Variants in FAM193A observed in about 807,000 individuals in gnomAD.
FAM193A encodes the protein family with sequence similarity 193 member A, also known as protein FAM193A.
FAM193A carries 22 observed loss-of-function variants against 126.5 expected under a neutral mutation model. That is an observed-to-expected ratio of 0.17 (90% confidence interval 0.12 to 0.25). The LOEUF is 0.25. Among genes scored for constraint, FAM193A ranks in the 10% least tolerant of loss-of-function variants. FAM193A has a pLI of 1.00. For missense variants in FAM193A, 1,675 were observed against 1,672.8 expected, an observed-to-expected ratio of 1.00 and a Z score of -0.02; for synonymous variants, 761 against 646.8, an observed-to-expected ratio of 1.18 and a Z score of -2.68.
rs533737656 is a variant in FAM193A, at chr4:2,613,963, C to T, written c.502-11299C>T. Among the ~76,000 whole-genome samples the T allele has an allele frequency of 1.1e-3, 159 of 151,100 alleles. 3 individuals carry two copies. In the South Asian group the frequency reaches 0.03, roughly 29 times the overall value. ...CTAATTTTTGTATTTTTAGTAGAGACGGGGTTTCACCATGTTGACCAGGCT... is the reference window on the plus strand; with the variant it reads ...CTAATTTTTGTATTTTTAGTAGAGATGGGGTTTCACCATGTTGACCAGGCT... On this transcript the variant is annotated intron_variant, in intron 2 of 20. Transcript: ENST00000637812.
chr4:2,548,313 C>G (rs772476302), intron 1 of FAM193A, among the ~76,000 whole-genome samples: 5 of 150,016 alleles, frequency 3.3e-5, no homozygotes, highest in Non-Finnish European at 5.9e-5. Flanking sequence ...TCAGATTATC[C>G]GCCCGCCTCG....
rs964874774 is a variant in FAM193A, at chr4:2,672,181, A to C, written c.2140A>C (p.Thr714Pro). The C allele has an allele frequency of 6.2e-7, 1 of 1,614,156 alleles. No homozygotes were observed. ...TTGTAAGCAGGAAGCTTCTGGACTG[A>C]CACCATCTGCAATGACAGCCGGAGC... ...HVCKQEASGLTPSAMTAGALP... is the reference protein window; with the variant it reads ...HVCKQEASGLPPSAMTAGALP... The change falls in exon 13 of 21, where the codon ACA becomes CCA. Residue 714 changes from threonine to proline, a missense_variant. Thr to Pro is a conservative substitution (Grantham distance 38). Around this residue, in one of 4 missense-constraint regions of FAM193A, gnomAD observed 1,186 missense variants for 1,109.2 expected, o/e 1.07. Transcript: ENST00000637812.
intron 19 of FAM193A, among the ~76,000 whole-genome samples, chr4:2,712,838 C>T (rs1719127753): frequency 6.6e-6 from 1 of 151,874 alleles, no homozygotes; most frequent in South Asian, 2.1e-4. Flanking sequence ...CGTGGTGGCT[C>T]ATGCCTGTAA....
At chr4:2,590,991 C>T (rs1740538759) in intron 1 of FAM193A, among the ~76,000 whole-genome samples, 1 of 151,362 alleles carries the variant, frequency 6.6e-6, no homozygotes, top group South Asian at 2.1e-4. Flanking sequence ...CGTGCCACTA[C>T]ACCCCAGCCT....
intron 13 of FAM193A, among the ~76,000 whole-genome samples, chr4:2,682,131 C>T (rs1231024424): frequency 1.3e-5 from 2 of 151,804 alleles, no homozygotes; most frequent in Non-Finnish European, 2.9e-5. Context: ...ACTACAGGTG[C>T]CCACCACCAT....
At position 2,609,679 on chromosome 4, in the gene FAM193A, C is replaced by T. The variant is rs951019047; in HGVS notation, c.501+13350C>T. On this transcript the variant is annotated intron_variant, in intron 2 of 20. Coordinates refer to ENST00000637812, the MANE Select transcript of FAM193A (RefSeq NM_001366318.2). ...CCTAGGCCGATCACGCCTGTAATCC[C>T]GGCACTTTGGGAGGCCGAGGCGGGT... Among the ~76,000 whole-genome samples, 5 of 152,128 alleles carry T rather than the reference C, an allele frequency of 3.3e-5. No individual in the cohort carries two copies. In the East Asian group the frequency reaches 5.8e-4, roughly 18 times the overall value.
At chr4:2,594,680 G>A (rs186807683) in intron 1 of FAM193A, among the ~76,000 whole-genome samples, 244 of 152,238 alleles carry the variant, frequency 1.6e-3, no homozygotes, top group Middle Eastern at 3.4e-3. Flanking sequence ...AGCCCTGTGT[G>A]AAGGACCCGT....
chr4:2,568,973 C>CTTTTTTTTTTTTTTTTTTTTTTTTTTCTT (rs753557878), intron 1 of FAM193A, among the ~76,000 whole-genome samples: 1 of 90,720 alleles, frequency 1.1e-5, no homozygotes, highest in African/African-American at 4.6e-5. Flanking sequence ...TGTTGTTTTG[C>CTTTTTTTTTTTTTTTTTTTTTTTTTTCTT]TTTTTTTTTT....
chr4:2,677,349 C>A (rs1714526027), intron 13 of FAM193A, among the ~76,000 whole-genome samples: 1 of 152,106 alleles, frequency 6.6e-6, no homozygotes, highest in South Asian at 2.1e-4. Flanking sequence ...TATATCTTTG[C>A]AGTAAGTTTT....
intron 1 of FAM193A, among the ~76,000 whole-genome samples, chr4:2,560,440 G>T (rs951532022): frequency 6.6e-6 from 1 of 152,170 alleles, no homozygotes; most frequent in Non-Finnish European, 1.5e-5. Context: ...TCTAAACTGC[G>T]CTGTGGCCTG....
chr4:2,723,516 G>A (rs974539796), intron 20 of FAM193A, among the ~76,000 whole-genome samples: 1 of 151,504 alleles, frequency 6.6e-6, no homozygotes, highest in African/African-American at 2.4e-5. Flanking sequence ...GGAGGTTGCA[G>A]TGAGTTGAGA....
chr4:2,650,677 C>A (rs963601915), intron 7 of FAM193A, among the ~76,000 whole-genome samples: 1 of 152,150 alleles, frequency 6.6e-6, no homozygotes, highest in South Asian at 2.1e-4. Flanking sequence ...GACATAGTGC[C>A]ACCTGCTAAG....
intron 1 of FAM193A, among the ~76,000 whole-genome samples, chr4:2,564,514 A>T (rs543152397): frequency 6.6e-6 from 1 of 152,320 alleles, no homozygotes; most frequent in South Asian, 2.1e-4. Flanking sequence ...TGCCACAAGT[A>T]TCTAATATTG....
intron 2 of FAM193A, among the ~76,000 whole-genome samples, chr4:2,611,829 A>G (rs1226859563): frequency 6.7e-6 from 1 of 149,778 alleles, no homozygotes; most frequent in Non-Finnish European, 1.5e-5. Context: ...TTATATTTTG[A>G]TCAAATCCAT....
At chr4:2,679,159 C>G (rs1462557848) in intron 13 of FAM193A, among the ~76,000 whole-genome samples, 2 of 151,992 alleles carry the variant, frequency 1.3e-5, no homozygotes, top group Non-Finnish European at 2.9e-5. Flanking sequence ...TTTTCTGCAC[C>G]AGTTGTGATG....
chr4:2,589,718 G>C (rs1740414524), intron 1 of FAM193A, among the ~76,000 whole-genome samples: 1 of 152,184 alleles, frequency 6.6e-6, no homozygotes, highest in Non-Finnish European at 1.5e-5. Flanking sequence ...AATGCCTTTT[G>C]CTCAGAGAAC....
At chr4:2,706,895 C>T (rs60061530) in intron 19 of FAM193A, among the ~76,000 whole-genome samples, 4 of 145,760 alleles carry the variant, frequency 2.7e-5, no homozygotes, top group South Asian at 2.2e-4. Context: ...CCTGGGCAGG[C>T]GGATCACCTG....
intron 1 of FAM193A, among the ~76,000 whole-genome samples, chr4:2,550,213 T>A (rs998435797): frequency 6.6e-6 from 1 of 150,874 alleles, no homozygotes; most frequent in African/African-American, 2.4e-5. Context: ...TCCTGGCTAA[T>A]TTTTGTACTT....
intron 19 of FAM193A, among the ~76,000 whole-genome samples, chr4:2,704,205 G>C (rs572088562): frequency 6.7e-6 from 1 of 149,956 alleles, no homozygotes; most frequent in African/African-American, 2.5e-5. Context: ...GGAGGTTGCA[G>C]TGAGCCGAGA....
Sources: allele counts gnomAD v4.1 joint callset (sites outside exome capture counted in the v4.1 genomes callset), GRCh38; gene constraint gnomAD v4.1.1; regional missense constraint gnomAD v4.1.1; transcripts MANE v1.5; gene names NCBI Gene and HGNC (gene_info 2026-07-23, HGNC 2026-07-21).